The following TRIM62 variants were observed in gnomAD, a reference collection of about 807,000 sequenced individuals.
TRIM62 encodes the protein tripartite motif containing 62, also known as E3 ubiquitin-protein ligase TRIM62.
TRIM62 carries 39 observed loss-of-function variants against 44.2 expected under a neutral mutation model. The ratio of observed to expected loss-of-function variants is 0.88; its 90% confidence interval spans 0.68 to 1.15. TRIM62 has a LOEUF of 1.15. Among genes scored for constraint, TRIM62 ranks in the 50% most tolerant of loss-of-function variants. The probability of loss-of-function intolerance (pLI) is 0.00; values close to 1 mark genes in which losing one functional copy is unlikely to be tolerated. For missense variants in TRIM62, 544 were observed against 665.5 expected, an observed-to-expected ratio of 0.82 and a Z score of 2.01; for synonymous variants, 278 against 292.3, an observed-to-expected ratio of 0.95 and a Z score of 0.50.
intron 1 of TRIM62, among the ~76,000 whole-genome samples, chr1:33,179,882 T>C (rs1432523287): frequency 6.6e-6 from 1 of 151,994 alleles, no homozygotes. Context: ...AAGCTTTTAA[T>C]ATGCAAATGC....
At position 33,181,090 on chromosome 1, in the gene TRIM62, C is replaced by T. The variant is rs1271606479; in HGVS notation, c.343G>A (p.Asp115Asn). The T allele has an allele frequency of 1.9e-6, 3 of 1,599,304 alleles. No homozygotes were observed. Among genetic ancestry groups the T allele is most frequent in the Non-Finnish European group, 2.5e-6 (3 of 1,178,694 alleles). The change falls in exon 1 of 5, where the codon GAC (aspartate) becomes AAC (asparagine). Residue 115 changes from aspartate to asparagine, a missense_variant. Transcript: ENST00000291416. This position sits in a 1 kb window ranked among gnomAD's most constrained non-coding sequence, Gnocchi z 6.5. ...TGCTGCTCGTGCAGTGCAGGCTCGT[C>T]GCAGAAGAAGCAGAGAAGCGCGCGG... ...TDRALLCFFC[D>N]EPALHEQHQV...
At position 33,161,334 on chromosome 1, in the gene TRIM62, C is replaced by T. The variant is rs1217013945; in HGVS notation, c.505-1390G>A. Among the ~76,000 whole-genome samples, 7 of 152,186 alleles carry T rather than the reference C, an allele frequency of 4.6e-5. No homozygotes were observed. The highest frequency in any genetic ancestry group is 8.8e-5 in the Non-Finnish European group (6 of 68,040). ...GGAAGGGCTTAACGTCAGGACGACACGGGCTATAGAAGTGCGGCCAGGCTG... is the reference window on the plus strand; with the variant it reads ...GGAAGGGCTTAACGTCAGGACGACATGGGCTATAGAAGTGCGGCCAGGCTG... On this transcript the variant is annotated intron_variant, in intron 2 of 4. Coordinates refer to ENST00000291416, the MANE Select transcript of TRIM62 (RefSeq NM_018207.3). The surrounding 1 kb of genome is among the most constrained non-coding windows in gnomAD (Gnocchi z 4.3).
chr1:33,179,986 G>GTT (rs1195924607), intron 1 of TRIM62, among the ~76,000 whole-genome samples: 2 of 152,088 alleles, frequency 1.3e-5, no homozygotes, highest in Non-Finnish European at 2.9e-5. Context: ...CAGTTCTAAT[G>GTT]TTTTTGTTTG....
chr1:33,152,573 GAAA>G (rs34380913), intron 4 of TRIM62, among the ~76,000 whole-genome samples: 2 of 102,818 alleles, frequency 1.9e-5, no homozygotes, highest in South Asian at 5.8e-4. Context: ...GTCTCAAAAA[GAAA>G]AAAAAAAAAA....
At chr1:33,156,219 T>C (rs1645176761) in intron 4 of TRIM62, among the ~76,000 whole-genome samples, 1 of 152,216 alleles carries the variant, frequency 6.6e-6, no homozygotes, top group Non-Finnish European at 1.5e-5. Flanking sequence ...ATCTCACAGA[T>C]ATGCTGTATT....
intron 2 of TRIM62, among the ~76,000 whole-genome samples, chr1:33,162,304 C>A (rs1645279122): frequency 6.6e-6 from 1 of 152,226 alleles, no homozygotes. Context: ...CCTAGAATGA[C>A]CCTACCCAAA....
At chr1:33,171,378 C>T (rs536695939) in intron 1 of TRIM62, among the ~76,000 whole-genome samples, 11 of 152,250 alleles carry the variant, frequency 7.2e-5, no homozygotes, top group South Asian at 2.1e-4. Context: ...GTCTTTATTG[C>T]GTCCATCTCA....
At position 33,181,528 on chromosome 1, in the gene TRIM62, G is replaced by A; in HGVS notation, c.-96C>T. On this transcript the variant is annotated 5_prime_UTR_variant, in exon 1 of 5. Coordinates refer to ENST00000291416, the MANE Select transcript of TRIM62 (RefSeq NM_018207.3). The surrounding 1 kb of genome is among the most constrained non-coding windows in gnomAD (Gnocchi z 6.5). ...GGCAGCACCGAGGGCTGGGCGCGGGGACGAGGCCCGCACAGGCAGGGGTAG... is the reference window on the plus strand; with the variant it reads ...GGCAGCACCGAGGGCTGGGCGCGGGAACGAGGCCCGCACAGGCAGGGGTAG... 1 of 1,450,996 alleles carries A rather than the reference G, an allele frequency of 6.9e-7. No individual in the cohort carries two copies. Among genetic ancestry groups the A allele is most frequent in the Non-Finnish European group, 9.0e-7 (1 of 1,111,706 alleles). The allele number at this position is 1,450,996 out of a possible 1,614,324, so 89.9% of individuals were successfully genotyped here. A position where few individuals can be genotyped will look rare whatever the true frequency, so the allele number is the denominator to read the frequency against.
chr1:33,148,790 G>A (rs1416865198), intron 4 of TRIM62, among the ~76,000 whole-genome samples: 1 of 152,178 alleles, frequency 6.6e-6, no homozygotes, highest in African/African-American at 2.4e-5. Flanking sequence ...TAGACAATGG[G>A]TCTGAAAAGA....
At chr1:33,172,556 G>A (rs59022788) in intron 1 of TRIM62, among the ~76,000 whole-genome samples, 2,301 of 152,240 alleles carry the variant, frequency 0.015, 71 homozygotes, top group African/African-American at 0.053. Context: ...AGCGGGGGTG[G>A]GCCGGGCAGG....
At chr1:33,154,483 C>CT (rs796735197) in intron 4 of TRIM62, among the ~76,000 whole-genome samples, 42 of 150,018 alleles carry the variant, frequency 2.8e-4, no homozygotes, top group South Asian at 1.9e-3. Context: ...ATCTTTAGAT[C>CT]TTTTTTTTTT....
At chr1:33,162,018 T>G (rs956842848) in intron 2 of TRIM62, among the ~76,000 whole-genome samples, 51 of 152,120 alleles carry the variant, frequency 3.4e-4, no homozygotes, top group African/African-American at 1.0e-3. Flanking sequence ...GCCACACCCA[T>G]TTTTCCAACA....
intron 1 of TRIM62, among the ~76,000 whole-genome samples, chr1:33,173,458 T>A (rs1406283425): frequency 6.6e-6 from 1 of 152,162 alleles, no homozygotes; most frequent in African/African-American, 2.4e-5. Context: ...TGTGCATGTA[T>A]GTGCACATTC....
chr1:33,163,712 G>C (rs1486853975), intron 2 of TRIM62: 1 of 152,386 alleles, frequency 6.6e-6, no homozygotes, highest in Non-Finnish European at 1.5e-5. Context: ...AAGGAAAACA[G>C]AGGGCCTGAG....
rs1029767651 is a variant in TRIM62 at position 33,177,037 on chromosome 1, A to G, written c.408+3988T>C. ...GAGGAAGACACCAACACACATACAC[A>G]TGCACACACACACGCACACACACAC... On this transcript the variant is annotated intron_variant, in intron 1 of 4. Coordinates refer to ENST00000291416, the MANE Select transcript of TRIM62 (RefSeq NM_018207.3). The surrounding 1 kb of genome is among the most constrained non-coding windows in gnomAD (Gnocchi z 4.1). Among the ~76,000 whole-genome samples, 2 of 74,674 alleles carry G rather than the reference A, an allele frequency of 2.7e-5. No individual in the cohort carries two copies. The highest frequency in any genetic ancestry group is 5.4e-5 in the Non-Finnish European group (2 of 36,724). 49.0% of individuals were successfully genotyped at this position (74,674 alleles called of 152,430 possible). A position where few individuals can be genotyped will look rare whatever the true frequency, so the allele number is the denominator to read the frequency against.
At chr1:33,149,889 T>A (rs548445251) in intron 4 of TRIM62, among the ~76,000 whole-genome samples, 1 of 152,190 alleles carries the variant, frequency 6.6e-6, no homozygotes, top group African/African-American at 2.4e-5. Flanking sequence ...CTCCCTTGTG[T>A]GTCCAGAGCC....
intron 1 of TRIM62, among the ~76,000 whole-genome samples, chr1:33,173,692 T>TC (rs1312455187): frequency 9.7e-4 from 127 of 131,240 alleles, no homozygotes; most frequent in African/African-American, 3.4e-3. Context: ...TTTTTTTTTT[T>TC]CCCTAATTAA....
intron 1 of TRIM62, among the ~76,000 whole-genome samples, chr1:33,168,500 T>C (rs1225946509): frequency 6.6e-6 from 1 of 152,202 alleles, no homozygotes; most frequent in Non-Finnish European, 1.5e-5. Context: ...TGGGATGAGA[T>C]GCACACAATC....
chr1:33,165,882 A>C lies in TRIM62; in HGVS notation c.409-316T>G. 4.6e-6 allele frequency: 1 copy of C among 215,670 alleles called. No homozygotes were observed. The highest frequency in any genetic ancestry group is 9.2e-6 in the Non-Finnish European group (1 of 109,154). The allele number at this position is 215,670 out of a possible 1,614,324, so 13.4% of individuals were successfully genotyped here. On this transcript the variant is annotated intron_variant, in intron 1 of 4. Coordinates refer to ENST00000291416, the MANE Select transcript of TRIM62 (RefSeq NM_018207.3). The surrounding 1 kb of genome is among the most constrained non-coding windows in gnomAD (Gnocchi z 4.0). ...ACTTGGCCCTGGATCCCCGCTTAGA[A>C]TTAAGGCAGGGGTCTCCAACCCCCA...
Sources: allele counts gnomAD v4.1 joint callset (sites outside exome capture counted in the v4.1 genomes callset), GRCh38; gene constraint gnomAD v4.1.1; non-coding constraint Gnocchi (gnomAD v3.1); transcripts MANE v1.5; gene names NCBI Gene and HGNC (gene_info 2026-07-23, HGNC 2026-07-21).